The following MACROD2 variants were observed in gnomAD, a reference collection of about 807,000 sequenced individuals.
MACROD2 encodes the protein ADP-ribose glycohydrolase MACROD2.
Under a neutral mutation model 70.4 loss-of-function variants are expected in MACROD2, and 36 were observed. That is an observed-to-expected ratio of 0.51 (90% CI 0.39 to 0.68). The LOEUF (loss-of-function observed/expected upper bound fraction) is 0.68, where lower values mean the gene tolerates loss of function less well. Ranked by LOEUF, MACROD2 falls within the 30% of genes least tolerant of loss-of-function variation. MACROD2 has a pLI of 0.00. For synonymous variants in MACROD2, 172 were observed against 178.8 expected, an observed-to-expected ratio of 0.96 and a Z score of 0.30; for missense variants, 496 against 538.4, an observed-to-expected ratio of 0.92 and a Z score of 0.78.
chr20:14,614,067 C>T (rs925453109), intron 4 of MACROD2, among the ~76,000 whole-genome samples: 1 of 152,036 alleles, frequency 6.6e-6, no homozygotes, highest in Non-Finnish European at 1.5e-5. Flanking sequence ...AATTAGTTTA[C>T]TTTTCATGCT....
At chr20:14,354,682 G>A (rs977685505) in intron 3 of MACROD2, among the ~76,000 whole-genome samples, 16 of 152,052 alleles carry the variant, frequency 1.1e-4, no homozygotes, top group African/African-American at 3.9e-4. Flanking sequence ...GCTGAGGTTC[G>A]GGGTACAAAT....
At chr20:14,068,963 T>C (rs913270222) in intron 2 of MACROD2, among the ~76,000 whole-genome samples, 1 of 152,174 alleles carries the variant, frequency 6.6e-6, no homozygotes, top group Non-Finnish European at 1.5e-5. Flanking sequence ...TTTTGTTTTG[T>C]TTTGAGATGG....
At chr20:14,390,603 A>G (rs1427876556) in intron 3 of MACROD2, among the ~76,000 whole-genome samples, 3 of 152,206 alleles carry the variant, frequency 2.0e-5, no homozygotes, top group African/African-American at 4.8e-5. Context: ...ACCTTTAACT[A>G]TCTGATCTTC....
intron 2 of MACROD2, among the ~76,000 whole-genome samples, chr20:14,054,004 A>G (rs149596474): frequency 6.6e-6 from 1 of 152,240 alleles, no homozygotes; most frequent in East Asian, 1.9e-4. Context: ...TAACTATGTT[A>G]TATAGAAACC....
At chr20:15,377,757 G>A (rs192431076) in intron 6 of MACROD2, among the ~76,000 whole-genome samples, 52 of 152,254 alleles carry the variant, frequency 3.4e-4, no homozygotes, top group Non-Finnish European at 6.9e-4. Context: ...CCTTTGCAAA[G>A]CAGTTATTTC....
intron 5 of MACROD2, among the ~76,000 whole-genome samples, chr20:14,938,856 A>G (rs1459856585): frequency 6.6e-6 from 1 of 151,648 alleles, no homozygotes; most frequent in Admixed American, 6.6e-5. Flanking sequence ...TCTTCCTTCC[A>G]TGATTTGTAA....
intron 8 of MACROD2, among the ~76,000 whole-genome samples, chr20:15,745,744 G>A (rs948208802): frequency 6.6e-6 from 1 of 152,064 alleles, no homozygotes; most frequent in Non-Finnish European, 1.5e-5. Context: ...GTACAGTACA[G>A]GTAGTGGTAT....
chr20:14,243,756 A>G (rs2081947461), intron 3 of MACROD2, among the ~76,000 whole-genome samples: 2 of 152,250 alleles, frequency 1.3e-5, no homozygotes, highest in South Asian at 4.1e-4. Flanking sequence ...AGAAAGTGGC[A>G]AGACATATTC....
chr20:15,216,896 T>A (rs1568644139), intron 5 of MACROD2, among the ~76,000 whole-genome samples: 1 of 152,222 alleles, frequency 6.6e-6, no homozygotes, highest in Non-Finnish European at 1.5e-5. Flanking sequence ...TGACACACTA[T>A]GTATTTTACA....
At chr20:14,762,433 G>C (rs1020479168) in intron 5 of MACROD2, among the ~76,000 whole-genome samples, 1 of 152,038 alleles carries the variant, frequency 6.6e-6, no homozygotes, top group Non-Finnish European at 1.5e-5. Context: ...AAAAAACTAA[G>C]TAAATAAAAC....
intron 5 of MACROD2, among the ~76,000 whole-genome samples, chr20:14,953,530 C>G (rs2074492487): frequency 6.6e-6 from 1 of 152,156 alleles, no homozygotes; most frequent in Non-Finnish European, 1.5e-5. Context: ...TGGTCTCGAT[C>G]TCCTGACCTC....
intron 8 of MACROD2, among the ~76,000 whole-genome samples, chr20:15,515,980 C>T (rs533068300): frequency 7.9e-5 from 12 of 152,294 alleles, no homozygotes; most frequent in African/African-American, 2.6e-4. Flanking sequence ...TCAGAAAGCT[C>T]ACCCCCAAGC....
chr20:15,749,617 T>C (rs2051237477), intron 8 of MACROD2, among the ~76,000 whole-genome samples: 1 of 152,104 alleles, frequency 6.6e-6, no homozygotes, highest in Admixed American at 6.6e-5. Flanking sequence ...ATTTGGCTAA[T>C]TGTTTTATTT....
chr20:15,136,893 G>A (rs900624590), intron 5 of MACROD2, among the ~76,000 whole-genome samples: 4 of 142,812 alleles, frequency 2.8e-5, no homozygotes, highest in African/African-American at 1.0e-4. Context: ...CAAAAAGTGG[G>A]CAAAGAATAT....
chr20:14,239,268 G>A (rs1241374896), intron 3 of MACROD2, among the ~76,000 whole-genome samples: 1 of 152,148 alleles, frequency 6.6e-6, no homozygotes, highest in African/African-American at 2.4e-5. Context: ...TGGATAGGAA[G>A]AATCAATATT....
intron 6 of MACROD2, among the ~76,000 whole-genome samples, chr20:15,312,589 G>A (rs2077764839): frequency 6.6e-6 from 1 of 152,142 alleles, no homozygotes; most frequent in Admixed American, 6.5e-5. Flanking sequence ...CGTGTATATA[G>A]TATGCTTCTG....
Position 15,590,258 on chromosome 20 carries a change from T to G in MACROD2, c.645+90411T>G, listed in dbSNP as rs180679903. On this transcript the variant is annotated intron_variant, in intron 8 of 17. Coordinates refer to ENST00000684519, the MANE Select transcript of MACROD2 (RefSeq NM_001351661.2). ...GTAGCATGCTAGACATTTCCATAGG[T>G]GTTGACTTGTTTAATCTTCATAAAA... Among the ~76,000 whole-genome samples the G allele has an allele frequency of 2.0e-3, 310 of 152,304 alleles. 2 individuals carry two copies. Among genetic ancestry groups the G allele is most frequent in the African/African-American group, 7.1e-3 (297 of 41,574 alleles).
chr20:15,700,304 G>T (rs1364540105), intron 8 of MACROD2, among the ~76,000 whole-genome samples: 1 of 152,192 alleles, frequency 6.6e-6, no homozygotes, highest in Non-Finnish European at 1.5e-5. Context: ...CAACCCAAAG[G>T]AGCTGAGAGA....
intron 4 of MACROD2, among the ~76,000 whole-genome samples, chr20:14,615,384 C>T (rs1277659218): frequency 2.0e-5 from 3 of 151,744 alleles, no homozygotes; most frequent in Non-Finnish European, 2.9e-5. Context: ...AAGAGATAAA[C>T]GAACAAAAAA....
Sources: gnomAD v4.1 joint callset for allele counts (sites outside exome capture counted in the v4.1 genomes callset) on GRCh38, gnomAD v4.1.1 for gene constraint, MANE v1.5 for transcripts, NCBI Gene and HGNC (gene_info 2026-07-23, HGNC 2026-07-21) for gene names.